The following PLXNA4 variants were observed in gnomAD, a reference collection of about 807,000 sequenced individuals.
PLXNA4 encodes the protein plexin-A4.
PLXNA4 carries 44 observed loss-of-function variants against 191.8 expected under a neutral mutation model. That is an observed-to-expected ratio of 0.23 (90% CI 0.18 to 0.29). The LOEUF is 0.29. Among genes scored for constraint, PLXNA4 ranks in the 10% least tolerant of loss-of-function variants. PLXNA4 has a pLI of 1.00. For missense variants in PLXNA4, 1,800 were observed against 2,488.8 expected, an observed-to-expected ratio of 0.72 and a Z score of 5.89; for synonymous variants, 1,082 against 1,009.5, an observed-to-expected ratio of 1.07 and a Z score of -1.36.
At chr7:132,161,164 C>T (rs1562889924) in intron 24 of PLXNA4, among the ~76,000 whole-genome samples, 1 of 152,218 alleles carries the variant, frequency 6.6e-6, no homozygotes, top group Non-Finnish European at 1.5e-5. Flanking sequence ...TGGGGCAGCT[C>T]AGCCTTCCCA....
intron 2 of PLXNA4, among the ~76,000 whole-genome samples, chr7:132,507,242 T>C (rs1354627649): frequency 2.0e-5 from 3 of 152,180 alleles, no homozygotes; most frequent in Non-Finnish European, 4.4e-5. Flanking sequence ...CTCCCCGTCA[T>C]AACTAGTGAG....
At chr7:132,363,956 GCTGT>G (rs1804052602) in intron 3 of PLXNA4, among the ~76,000 whole-genome samples, 1 of 152,272 alleles carries the variant, frequency 6.6e-6, no homozygotes, top group African/African-American at 2.4e-5. Flanking sequence ...TGGCTGGCAG[GCTGT>G]CTTGCTCAGC....
Position 132,293,912 on chromosome 7 carries a change from G to T in PLXNA4, c.1503+4179C>A, listed in dbSNP as rs563364431. On this transcript the variant is annotated intron_variant, in intron 4 of 31. Coordinates refer to ENST00000321063, the MANE Select transcript of PLXNA4 (RefSeq NM_020911.2). ...AAAATTGAAACCACAGCTCTCTTGAGCCCAGATCCATTTAGTCACCCATTC... is the reference window on the plus strand; with the variant it reads ...AAAATTGAAACCACAGCTCTCTTGATCCCAGATCCATTTAGTCACCCATTC... Among the ~76,000 whole-genome samples, 15 of 152,296 alleles carry T rather than the reference G, an allele frequency of 9.8e-5. No homozygotes were observed. In the South Asian group the frequency reaches 2.5e-3, roughly 25 times the overall value.
chr7:132,254,304 C>T (rs946510786), intron 4 of PLXNA4, among the ~76,000 whole-genome samples: 3 of 152,182 alleles, frequency 2.0e-5, no homozygotes, highest in Non-Finnish European at 2.9e-5. Context: ...GAAATTGTCG[C>T]AACTTCTAAT....
chr7:132,471,474 T>C (rs969723532), intron 3 of PLXNA4, among the ~76,000 whole-genome samples: 14 of 152,164 alleles, frequency 9.2e-5, no homozygotes, highest in African/African-American at 2.7e-4. Context: ...GCCCAACTTC[T>C]CTGAAAGTGC....
intron 2 of PLXNA4, among the ~76,000 whole-genome samples, chr7:132,601,879 A>G (rs1802827687): frequency 6.6e-6 from 1 of 152,198 alleles, no homozygotes; most frequent in Non-Finnish European, 1.5e-5. Context: ...ACAAAGATCT[A>G]AGAAAGAAGT....
intron 1 of PLXNA4, among the ~76,000 whole-genome samples, chr7:132,575,385 C>T (rs546239384): frequency 1.8e-4 from 28 of 152,330 alleles, no homozygotes; most frequent in African/African-American, 6.7e-4. Flanking sequence ...GGCAGACCCA[C>T]GAATGCCTTG....
chr7:132,263,148 G>C (rs560322114), intron 4 of PLXNA4, among the ~76,000 whole-genome samples: 1 of 152,246 alleles, frequency 6.6e-6, no homozygotes, highest in South Asian at 2.1e-4. Flanking sequence ...TTCTCCCCTG[G>C]GTATCCACAG....
chr7:132,557,418 A>C (rs564463371), intron 1 of PLXNA4, among the ~76,000 whole-genome samples: 1 of 152,232 alleles, frequency 6.6e-6, no homozygotes, highest in African/African-American at 2.4e-5. Flanking sequence ...CCTACAACTT[A>C]AGATTTTCTT....
chr7:132,437,619 C>T (rs1387003767), intron 3 of PLXNA4, among the ~76,000 whole-genome samples: 1 of 151,302 alleles, frequency 6.6e-6, no homozygotes, highest in Non-Finnish European at 1.5e-5. Context: ...CCCTCCGCAC[C>T]AAGAGATCCT....
chr7:132,499,661 G>A (rs771917448), intron 2 of PLXNA4, among the ~76,000 whole-genome samples: 4 of 152,164 alleles, frequency 2.6e-5, no homozygotes, highest in Non-Finnish European at 4.4e-5. Flanking sequence ...GTGCTGGGAA[G>A]CAGTGGCCCT....
intron 3 of PLXNA4, among the ~76,000 whole-genome samples, chr7:132,402,107 A>G (rs529690413): frequency 1.3e-5 from 2 of 152,334 alleles, no homozygotes; most frequent in African/African-American, 4.8e-5. Context: ...AAGCCTACAT[A>G]CCAAAGCGAA....
At chr7:132,491,870 A>G (rs1252000385) in intron 2 of PLXNA4, among the ~76,000 whole-genome samples, 1 of 152,170 alleles carries the variant, frequency 6.6e-6, no homozygotes, top group Non-Finnish European at 1.5e-5. Flanking sequence ...AGAGGGTTAA[A>G]GGGAGGAGTA....
At chr7:132,240,216 T>C (rs1471117665) in intron 5 of PLXNA4, among the ~76,000 whole-genome samples, 1 of 152,230 alleles carries the variant, frequency 6.6e-6, no homozygotes, top group African/African-American at 2.4e-5. Flanking sequence ...ATAGCTGGAC[T>C]GGAATCAAAT....
intron 14 of PLXNA4, among the ~76,000 whole-genome samples, chr7:132,190,364 C>A (rs970081900): frequency 2.0e-5 from 3 of 152,216 alleles, no homozygotes. Flanking sequence ...CACACAGGCT[C>A]ATTATAAGAA....
At chr7:132,644,442 C>A (rs1803815849) in intron 2 of PLXNA4, among the ~76,000 whole-genome samples, 1 of 152,228 alleles carries the variant, frequency 6.6e-6, no homozygotes, top group African/African-American at 2.4e-5. Flanking sequence ...CTGGCTGCCC[C>A]ATGGCTCTTC....
At chr7:132,193,310 G>A (rs145490953) in intron 14 of PLXNA4, among the ~76,000 whole-genome samples, 5 of 152,172 alleles carry the variant, frequency 3.3e-5, no homozygotes, top group East Asian at 1.9e-4. Context: ...ACGAGGTGAC[G>A]CAGCAAGAAG....
At chr7:132,377,017 C>T (rs1383562648) in intron 3 of PLXNA4, among the ~76,000 whole-genome samples, 2 of 152,172 alleles carry the variant, frequency 1.3e-5, no homozygotes, top group African/African-American at 4.8e-5. Flanking sequence ...AACTCCTTTC[C>T]CAGGCTCACG....
chr7:132,537,113 C>T (rs1048823613), intron 1 of PLXNA4, among the ~76,000 whole-genome samples: 3 of 152,202 alleles, frequency 2.0e-5, no homozygotes, highest in African/African-American at 7.2e-5. Flanking sequence ...CTGGATTCTT[C>T]CAAAGGGCAG....
Sources: allele counts gnomAD v4.1 joint callset (sites outside exome capture counted in the v4.1 genomes callset), GRCh38; gene constraint gnomAD v4.1.1; transcripts MANE v1.5; gene names NCBI Gene and HGNC (gene_info 2026-07-23, HGNC 2026-07-21).